The following EPHA6 variants were observed in gnomAD, a reference collection of about 807,000 sequenced individuals.
EPHA6 encodes the protein EPH receptor A6.
In EPHA6, 50 loss-of-function variants were observed where a neutral mutation model predicts 112.0. The ratio of observed to expected loss-of-function variants is 0.45; its 90% CI spans 0.36 to 0.56. EPHA6 has a LOEUF of 0.56. EPHA6 is among the 20% of genes least tolerant of loss of function. The probability of loss-of-function intolerance (pLI) is 0.00; values close to 1 mark genes in which losing one functional copy is unlikely to be tolerated. For synonymous variants in EPHA6, 529 were observed against 490.7 expected, an observed-to-expected ratio of 1.08 and a Z score of -1.03; for missense variants, 1,280 against 1,417.4, an observed-to-expected ratio of 0.90 and a Z score of 1.56.
intron 3 of EPHA6, among the ~76,000 whole-genome samples, chr3:97,157,584 G>T (rs562895392): frequency 6.6e-6 from 1 of 152,114 alleles, no homozygotes; most frequent in African/African-American, 2.4e-5. Context: ...TAATTACGGA[G>T]GCTGAGAAAT....
At chr3:97,122,994 G>C (rs1481716904) in intron 3 of EPHA6, among the ~76,000 whole-genome samples, 1 of 151,844 alleles carries the variant, frequency 6.6e-6, no homozygotes, top group Admixed American at 6.6e-5. Flanking sequence ...TGCATATGCT[G>C]ATTTCTTCTC....
intron 3 of EPHA6, among the ~76,000 whole-genome samples, chr3:97,167,946 G>A (rs2076581847): frequency 6.6e-6 from 1 of 151,728 alleles, no homozygotes; most frequent in South Asian, 2.1e-4. Flanking sequence ...TAAGATTTTA[G>A]ACTTTACCTT....
chr3:97,759,115 T>C lies in EPHA6; in HGVS notation c.*10414T>C, dbSNP rs2036095268. On this transcript the variant is annotated 3_prime_UTR_variant, in exon 18 of 18. Transcript: ENST00000389672. ...AGAATTAAACAGAAGAAATGGAGTA[T>C]AAAGTAAGCTAGAGAAAAAGGAAAT... Among the ~76,000 whole-genome samples, 1 of 151,946 alleles carries C rather than the reference T, an allele frequency of 6.6e-6. No homozygotes were observed. The highest frequency in any genetic ancestry group is 6.6e-5 in the Admixed American group (1 of 15,242).
chr3:97,557,537 C>A (rs1199663149), intron 11 of EPHA6, among the ~76,000 whole-genome samples: 1 of 151,846 alleles, frequency 6.6e-6, no homozygotes, highest in African/African-American at 2.4e-5. Context: ...TTATATGTTC[C>A]CGATATATGT....
At chr3:97,500,084 T>C (rs2092078292) in intron 10 of EPHA6, among the ~76,000 whole-genome samples, 1 of 152,168 alleles carries the variant, frequency 6.6e-6, no homozygotes, top group African/African-American at 2.4e-5. Context: ...CTGTGTAAAT[T>C]TTGTTTTTAA....
chr3:96,975,371 A>G (rs1042439710), intron 2 of EPHA6, among the ~76,000 whole-genome samples: 1 of 152,152 alleles, frequency 6.6e-6, no homozygotes, highest in Non-Finnish European at 1.5e-5. Flanking sequence ...CAAGCTTTTT[A>G]AGAGGTCTTA....
chr3:97,323,867 C>T (rs548775195), intron 5 of EPHA6, among the ~76,000 whole-genome samples: 5 of 151,748 alleles, frequency 3.3e-5, no homozygotes, highest in East Asian at 1.9e-4. Flanking sequence ...TGAGAAACAA[C>T]GTAGCAACTG....
chr3:97,137,590 C>G (rs960482584), intron 3 of EPHA6, among the ~76,000 whole-genome samples: 6 of 152,008 alleles, frequency 3.9e-5, no homozygotes, highest in Admixed American at 2.0e-4. Flanking sequence ...TTCTTTAGAC[C>G]ATCAAGTAAT....
chr3:97,495,776 T>G (rs2091961644), intron 10 of EPHA6, among the ~76,000 whole-genome samples: 1 of 152,172 alleles, frequency 6.6e-6, no homozygotes, highest in Non-Finnish European at 1.5e-5. Context: ...ACAATTGTTT[T>G]TTCATTATTG....
chr3:97,244,228 C>G lies in EPHA6; in HGVS notation c.1547C>G (p.Ser516Cys). 6.2e-7 allele frequency: 1 copy of G among 1,613,140 alleles called. No homozygotes were observed. The change falls in exon 5 of 18, where the codon TCT becomes TGT. Residue 516 changes from serine (S) to cysteine (C), a missense_variant. Physicochemically the swap from Ser to Cys is moderately radical, Grantham distance 112 (BLOSUM62 -1). Transcript: ENST00000389672. ...TFEIEAMNGV[S>C]ELSFSPKPFT... ...GAAATAGAAGCAATGAATGGAGTTT[C>G]TGAGTTGAGTTTTTCTCCCAAGCCA... is the stretch of plus-strand genomic sequence containing the variant.
intron 3 of EPHA6, among the ~76,000 whole-genome samples, chr3:97,175,290 GT>G (rs779194650): frequency 6.6e-6 from 1 of 151,818 alleles, no homozygotes; most frequent in African/African-American, 2.4e-5. Context: ...TGCTGTTTTG[GT>G]TACTATAGCT....
intron 11 of EPHA6, among the ~76,000 whole-genome samples, chr3:97,584,949 A>G (rs1330361767): frequency 6.6e-6 from 1 of 152,256 alleles, no homozygotes; most frequent in Non-Finnish European, 1.5e-5. Context: ...AGTGAATGGT[A>G]GAGTCAGAAT....
At chr3:97,679,303 AG>A (rs1422363865) in intron 14 of EPHA6, among the ~76,000 whole-genome samples, 1 of 152,146 alleles carries the variant, frequency 6.6e-6, no homozygotes, top group Admixed American at 6.6e-5. Flanking sequence ...TGGAACCCAG[AG>A]GGCGTCCCCA....
At chr3:97,650,813 C>T (rs770140338) in intron 14 of EPHA6, among the ~76,000 whole-genome samples, 5 of 145,000 alleles carry the variant, frequency 3.4e-5, no homozygotes, top group South Asian at 4.5e-4. Context: ...GCTGAGATTG[C>T]GCCACTGCAT....
At chr3:97,522,761 T>A (rs1286687919) in intron 10 of EPHA6, among the ~76,000 whole-genome samples, 1 of 152,260 alleles carries the variant, frequency 6.6e-6, no homozygotes. Context: ...CTTAACTTTG[T>A]CCTCGTAGAT....
chr3:97,554,306 A>G (rs2093071823), intron 11 of EPHA6, among the ~76,000 whole-genome samples: 1 of 152,138 alleles, frequency 6.6e-6, no homozygotes, highest in Admixed American at 6.6e-5. Context: ...CTTGTTAATA[A>G]TTCAGAGATG....
chr3:97,221,127 A>T (rs999336264), intron 3 of EPHA6, among the ~76,000 whole-genome samples: 1 of 151,948 alleles, frequency 6.6e-6, no homozygotes, highest in Admixed American at 6.6e-5. Context: ...CATCTGGCCA[A>T]CACGGTGAAA....
chr3:97,428,281 T>A (rs1437511138), intron 6 of EPHA6, among the ~76,000 whole-genome samples: 1 of 152,116 alleles, frequency 6.6e-6, no homozygotes, highest in Non-Finnish European at 1.5e-5. Flanking sequence ...AAGGAAATGA[T>A]AAACAAAATT....
intron 3 of EPHA6, among the ~76,000 whole-genome samples, chr3:97,121,945 A>C (rs1241420409): frequency 6.6e-6 from 1 of 152,066 alleles, no homozygotes; most frequent in Non-Finnish European, 1.5e-5. Flanking sequence ...CCCCATATTC[A>C]TCACATTATT....
Sources: allele counts gnomAD v4.1 joint callset (sites outside exome capture counted in the v4.1 genomes callset), GRCh38; gene constraint gnomAD v4.1.1; transcripts MANE v1.5; gene names NCBI Gene and HGNC (gene_info 2026-07-23, HGNC 2026-07-21).